The following UBE2E3 variants were observed in gnomAD, a reference collection of about 807,000 sequenced individuals.
The protein encoded by UBE2E3 is ubiquitin-conjugating enzyme E2 E3.
A neutral mutation model predicts 23.6 loss-of-function variants in UBE2E3; 5 were observed. The ratio of observed to expected loss-of-function variants is 0.21; its 90% confidence interval spans 0.11 to 0.44. The LOEUF is 0.44. Among genes scored for constraint, UBE2E3 ranks in the 20% least tolerant of loss-of-function variants. The pLI is 0.99. For synonymous variants in UBE2E3, 78 were observed against 87.5 expected, an observed-to-expected ratio of 0.89 and a Z score of 0.60; for missense variants, 81 against 249.8, an observed-to-expected ratio of 0.32 and a Z score of 4.55.
chr2:181,039,800 C>T (rs757491556), intron 3 of UBE2E3, among the ~76,000 whole-genome samples: 1 of 152,084 alleles, frequency 6.6e-6, no homozygotes, highest in Non-Finnish European at 1.5e-5. Context: ...TCCACAGATA[C>T]CAAAATTCTC....
intron 3 of UBE2E3, among the ~76,000 whole-genome samples, chr2:181,007,690 G>T (rs1685193629): frequency 6.6e-6 from 1 of 152,068 alleles, no homozygotes; most frequent in Non-Finnish European, 1.5e-5. Context: ...CTGTGGAGGG[G>T]GCCCAACAGT....
intron 3 of UBE2E3, among the ~76,000 whole-genome samples, chr2:181,041,136 T>A (rs1264564972): frequency 6.8e-6 from 1 of 146,896 alleles, no homozygotes; most frequent in Non-Finnish European, 1.5e-5. Context: ...TAGTCCCAGC[T>A]ACTTGGGTGG....
At position 181,063,019 on chromosome 2, in the gene UBE2E3, A is replaced by G. The variant is rs1456511315; in HGVS notation, c.*131A>G. ...ATTCTACTCTGCTTTTATCCTTTGGAGCCTGGGAGACTCCCCAAAAAGGTA... is the reference window on the plus strand; with the variant it reads ...ATTCTACTCTGCTTTTATCCTTTGGGGCCTGGGAGACTCCCCAAAAAGGTA... On this transcript the variant is annotated 3_prime_UTR_variant, in exon 6 of 6. Coordinates refer to ENST00000410062, the MANE Select transcript of UBE2E3 (RefSeq NM_006357.4). The surrounding 1 kb of genome is among the most constrained non-coding windows in gnomAD (Gnocchi z 4.1). 4.4e-6 allele frequency: 2 copies of G among 452,432 alleles called. No individual in the cohort carries two copies. Among genetic ancestry groups the G allele is most frequent in the Non-Finnish European group, 7.8e-6 (2 of 255,750 alleles). 28.0% of individuals were successfully genotyped at this position (452,432 alleles called of 1,614,324 possible).
intron 3 of UBE2E3, among the ~76,000 whole-genome samples, chr2:181,031,948 C>G (rs923592437): frequency 6.6e-6 from 1 of 152,156 alleles, no homozygotes; most frequent in African/African-American, 2.4e-5. Context: ...AAAAGTTTGT[C>G]CGGCTCACAA....
chr2:181,006,683 G>GAATT (rs142232266), intron 3 of UBE2E3, among the ~76,000 whole-genome samples: 35,192 of 151,760 alleles, frequency 0.23, 4,414 homozygotes, highest in Non-Finnish European at 0.28. Flanking sequence ...TTGTAAGAAA[G>GAATT]CAGAGAGATT....
intron 3 of UBE2E3, among the ~76,000 whole-genome samples, chr2:181,004,701 GT>G (rs1306241764): frequency 1.3e-5 from 2 of 151,930 alleles, no homozygotes; most frequent in Non-Finnish European, 2.9e-5. Flanking sequence ...AGGAATACTT[GT>G]CAGTTTATGT....
intron 3 of UBE2E3, among the ~76,000 whole-genome samples, chr2:181,021,632 T>TCCTTCCTTCCTTCCTTCCTTCC (rs774447954): frequency 2.5e-5 from 1 of 39,994 alleles, no homozygotes; most frequent in African/African-American, 9.8e-5. Flanking sequence ...CCCTCCCTTT[T>TCCTTCCTTCCTTCCTTCCTTCC]TTCCTTCCTT....
At chr2:181,012,345 CATTTGAATCAGTGCTGTCTTATTTACAT>C (rs561241206) in intron 3 of UBE2E3, among the ~76,000 whole-genome samples, 249 of 152,202 alleles carry the variant, frequency 1.6e-3, no homozygotes, top group Non-Finnish European at 2.9e-3. Context: ...TTACAGTTGT[CATTTGAATCAGTGCTGTCTTATTTACAT>C]TATTTTCTAG....
At chr2:180,995,050 ATCT>A (rs1461684686) in intron 3 of UBE2E3, among the ~76,000 whole-genome samples, 4 of 152,220 alleles carry the variant, frequency 2.6e-5, no homozygotes, top group African/African-American at 9.6e-5. Flanking sequence ...TGTTGCAAGT[ATCT>A]TCTTAAAACA....
intron 3 of UBE2E3, among the ~76,000 whole-genome samples, chr2:180,984,368 T>C (rs1416607866): frequency 6.6e-6 from 1 of 152,254 alleles, no homozygotes; most frequent in African/African-American, 2.4e-5. Context: ...TGTATTTCTG[T>C]AGAGGGTGTT....
chr2:181,031,214 T>C (rs1574201139), intron 3 of UBE2E3, among the ~76,000 whole-genome samples: 1 of 152,174 alleles, frequency 6.6e-6, no homozygotes, highest in Non-Finnish European at 1.5e-5. Context: ...GAGAAAAATA[T>C]CTCTTCTCTG....
intron 3 of UBE2E3, among the ~76,000 whole-genome samples, chr2:181,018,900 T>C (rs1438467146): frequency 6.6e-6 from 1 of 152,156 alleles, no homozygotes; most frequent in Admixed American, 6.5e-5. Flanking sequence ...GGTTCCATGC[T>C]CTCAGATTTT....
At chr2:181,003,254 T>A (rs890575145) in intron 3 of UBE2E3, among the ~76,000 whole-genome samples, 5 of 152,194 alleles carry the variant, frequency 3.3e-5, no homozygotes, top group African/African-American at 1.2e-4. Flanking sequence ...ATGAGTTTAA[T>A]TTTTTTATAT....
chr2:181,010,482 G>A (rs958788832), intron 3 of UBE2E3, among the ~76,000 whole-genome samples: 1 of 152,132 alleles, frequency 6.6e-6, no homozygotes, highest in South Asian at 2.1e-4. Flanking sequence ...ATTCTTAGCT[G>A]TAGAAGAAAT....
At chr2:181,010,691 C>T (rs1387039518) in intron 3 of UBE2E3, among the ~76,000 whole-genome samples, 2 of 152,152 alleles carry the variant, frequency 1.3e-5, no homozygotes, top group South Asian at 2.1e-4. Flanking sequence ...GGTGGGACTT[C>T]AGAATAACTA....
chr2:181,008,185 ATTTTGCTTATGATGTTTTG>A (rs1685209268), intron 3 of UBE2E3, among the ~76,000 whole-genome samples: 1 of 152,160 alleles, frequency 6.6e-6, no homozygotes, highest in South Asian at 2.1e-4. Flanking sequence ...GGCATATGTT[ATTTTGCTTATGATGTTTTG>A]TTTCTTCTGC....
intron 3 of UBE2E3, among the ~76,000 whole-genome samples, chr2:181,028,255 T>C (rs1426982605): frequency 6.6e-6 from 1 of 152,106 alleles, no homozygotes; most frequent in Non-Finnish European, 1.5e-5. Flanking sequence ...ATAGTTAAAT[T>C]TCATGCTGTA....
At chr2:180,985,469 T>C (rs1336970098) in intron 3 of UBE2E3, among the ~76,000 whole-genome samples, 1 of 152,186 alleles carries the variant, frequency 6.6e-6, no homozygotes, top group Non-Finnish European at 1.5e-5. Flanking sequence ...TGGATATATT[T>C]GGCTATATAA....
chr2:181,058,493 T>A (rs1370699963), intron 4 of UBE2E3, among the ~76,000 whole-genome samples: 1 of 151,740 alleles, frequency 6.6e-6, no homozygotes, highest in East Asian at 1.9e-4. Context: ...CTCCGCTAAC[T>A]TCTGTTTCTA....
Sources: allele counts gnomAD v4.1 joint callset (sites outside exome capture counted in the v4.1 genomes callset), GRCh38; gene constraint gnomAD v4.1.1; non-coding constraint Gnocchi (gnomAD v3.1); transcripts MANE v1.5; gene names NCBI Gene and HGNC (gene_info 2026-07-23, HGNC 2026-07-21).